RBFOX1: variants seen among roughly 807,000 people sequenced by gnomAD.
RBFOX1 encodes RNA binding protein fox-1 homolog 1.
RBFOX1 carries 8 observed loss-of-function variants against 57.7 expected under a neutral mutation model. The observed-to-expected ratio is 0.14, with a 90% CI of 0.08 to 0.25. RBFOX1 has a LOEUF of 0.25. Among genes scored for constraint, RBFOX1 ranks in the 10% least tolerant of loss-of-function variants. The pLI is 1.00. For synonymous variants in RBFOX1, 326 were observed against 222.4 expected (o/e 1.47, Z -4.15); for missense variants, 611 against 548.5 (o/e 1.11, Z -1.14).
chr16:5,833,059 C>T (rs2056333925), intron 3 of RBFOX1, among the ~76,000 whole-genome samples: 1 of 152,084 alleles, frequency 6.6e-6, no homozygotes, highest in Non-Finnish European at 1.5e-5. Flanking sequence ...TCAGGGTGTC[C>T]ACAGATTTCT....
At chr16:5,280,346 G>A (rs2063240742) in intron 1 of RBFOX1, among the ~76,000 whole-genome samples, 1 of 152,122 alleles carries the variant, frequency 6.6e-6, no homozygotes, top group African/African-American at 2.4e-5. Context: ...GTAGTATTAT[G>A]CCGAGAATTT....
rs74011864 is a variant in RBFOX1, at chr16:7,702,301, G to C, written c.996-6755G>C. On this transcript the variant is annotated intron_variant, in intron 14 of 15. Coordinates refer to ENST00000550418, the MANE Select transcript of RBFOX1 (RefSeq NM_018723.4). The stretch of plus-strand genomic sequence containing the variant: ...ATCTTCTGTGAAGTCCCATATTCTG[G>C]GCTACATTTCTTTGTCCTTTGAAGT... 9.1e-3 allele frequency among the ~76,000 whole-genome samples: 1,382 copies of C among 152,164 alleles called. 28 individuals carry two copies. Among genetic ancestry groups the C allele is most frequent in the African/African-American group, 0.032 (1,334 of 41,508 alleles).
At chr16:7,633,564 G>T (rs2061317968) in intron 11 of RBFOX1, among the ~76,000 whole-genome samples, 1 of 152,024 alleles carries the variant, frequency 6.6e-6, no homozygotes, top group South Asian at 2.1e-4. Context: ...CAGTTTTAAA[G>T]AAAATAGCTA....
At chr16:6,346,801 G>T (rs1207427949) in intron 2 of RBFOX1, among the ~76,000 whole-genome samples, 5 of 152,144 alleles carry the variant, frequency 3.3e-5, no homozygotes, top group Non-Finnish European at 7.4e-5. Flanking sequence ...GTTGATGTTA[G>T]TCATGTCAAA....
intron 3 of RBFOX1, among the ~76,000 whole-genome samples, chr16:5,788,405 G>GA (rs927081969): frequency 2.0e-5 from 3 of 152,134 alleles, no homozygotes; most frequent in African/African-American, 7.2e-5. Context: ...GAGCTGGGGG[G>GA]ATCACCTGAT....
At chr16:6,968,349 C>T (rs563077137) in intron 3 of RBFOX1, among the ~76,000 whole-genome samples, 10 of 152,174 alleles carry the variant, frequency 6.6e-5, no homozygotes, top group Non-Finnish European at 1.5e-4. Context: ...ATTTCTTTTC[C>T]TTCTTTTTTC....
chr16:7,650,569 C>G (rs185762935), intron 11 of RBFOX1, among the ~76,000 whole-genome samples: 1 of 119,954 alleles, frequency 8.3e-6, no homozygotes, highest in Non-Finnish European at 1.9e-5. Context: ...GTGCTCCCCT[C>G]TCTCTCTCTT....
chr16:5,530,706 A>G (rs138564154), intron 2 of RBFOX1, among the ~76,000 whole-genome samples: 118 of 152,230 alleles, frequency 7.8e-4, no homozygotes, highest in Admixed American at 2.2e-3. Context: ...TGAGACTACC[A>G]AAAACATCTC....
At chr16:5,859,183 C>T (rs953284663) in intron 3 of RBFOX1, among the ~76,000 whole-genome samples, 31 of 152,070 alleles carry the variant, frequency 2.0e-4, no homozygotes, top group East Asian at 1.9e-4. Flanking sequence ...CCAGCCTGGG[C>T]GACACAGCGA....
At chr16:6,023,068 T>C (rs2095115396) in intron 1 of RBFOX1, among the ~76,000 whole-genome samples, 1 of 152,074 alleles carries the variant, frequency 6.6e-6, no homozygotes, top group Non-Finnish European at 1.5e-5. Flanking sequence ...AAATGAGGAT[T>C]TGCTGATCTA....
intron 4 of RBFOX1, among the ~76,000 whole-genome samples, chr16:7,517,238 A>C (rs1472517557): frequency 1.3e-5 from 2 of 150,084 alleles, no homozygotes; most frequent in Non-Finnish European, 3.0e-5. Context: ...TGTTTCCTGA[A>C]ATGGAAGCAT....
At chr16:5,254,391 CCTT>C (rs1193972455) in intron 1 of RBFOX1, among the ~76,000 whole-genome samples, 1 of 152,116 alleles carries the variant, frequency 6.6e-6, no homozygotes, top group Non-Finnish European at 1.5e-5. Flanking sequence ...TGTCTGTGGG[CCTT>C]CTTACTGTAT....
At position 6,776,360 on chromosome 16, in the gene RBFOX1, G is replaced by T. The variant is rs376247285; in HGVS notation, c.-16+121710G>T. Among the ~76,000 whole-genome samples, 20 of 152,208 alleles carry T rather than the reference G, an allele frequency of 1.3e-4. No homozygotes were observed. In the East Asian group the frequency reaches 3.5e-3, roughly 27 times the overall value. On this transcript the variant is annotated intron_variant, in intron 3 of 15. Transcript: ENST00000550418. ...CAGGAGGGAGAGCTTGCAGTGAGCC[G>T]AGGTCATGCCACTGCACTCCAGCCT... is the stretch of plus-strand genomic sequence containing the variant.
chr16:6,695,874 C>A (rs1419976051), intron 3 of RBFOX1, among the ~76,000 whole-genome samples: 1 of 152,162 alleles, frequency 6.6e-6, no homozygotes, highest in African/African-American at 2.4e-5. Context: ...TGAACATCTC[C>A]ATATGGCCGT....
chr16:7,283,508 G>C (rs2095589438), intron 4 of RBFOX1, among the ~76,000 whole-genome samples: 1 of 151,938 alleles, frequency 6.6e-6, no homozygotes, highest in Non-Finnish European at 1.5e-5. Flanking sequence ...GGAGGAAATT[G>C]GTTGACACTT....
intron 12 of RBFOX1, among the ~76,000 whole-genome samples, chr16:7,657,975 A>G (rs2066743346): frequency 1.3e-5 from 2 of 152,170 alleles, no homozygotes; most frequent in South Asian, 2.1e-4. Context: ...TATTCTACCC[A>G]TACTGGCTTG....
At chr16:7,202,959 T>C (rs934439498) in intron 4 of RBFOX1, among the ~76,000 whole-genome samples, 4 of 152,188 alleles carry the variant, frequency 2.6e-5, no homozygotes, top group African/African-American at 4.8e-5. Context: ...ATTTTGTTTT[T>C]ATATTTTTAG....
intron 4 of RBFOX1, among the ~76,000 whole-genome samples, chr16:7,408,037 T>TA (rs1245707315): frequency 1.3e-5 from 2 of 152,210 alleles, no homozygotes; most frequent in Non-Finnish European, 2.9e-5. Context: ...AAGAAACTGA[T>TA]AACCCTTGCT....
intron 1 of RBFOX1, among the ~76,000 whole-genome samples, chr16:6,074,527 C>T (rs550605008): frequency 1.3e-5 from 2 of 152,258 alleles, no homozygotes; most frequent in South Asian, 4.1e-4. Context: ...ATCTATGATG[C>T]TTGTTAAAGA....
Sources: allele counts gnomAD v4.1 joint callset (sites outside exome capture counted in the v4.1 genomes callset), GRCh38; gene constraint gnomAD v4.1.1; transcripts MANE v1.5; gene names NCBI Gene and HGNC (gene_info 2026-07-23, HGNC 2026-07-21).